The following RALGAPA2 variants were observed in gnomAD, a reference collection of about 807,000 sequenced individuals.
RALGAPA2 encodes Ral GTPase activating protein catalytic subunit alpha 2, also known as ral GTPase-activating protein subunit alpha-2.
Under a neutral mutation model 230.4 loss-of-function variants are expected in RALGAPA2, and 139 were observed. The observed-to-expected ratio is 0.60, with a 90% confidence interval of 0.53 to 0.69. RALGAPA2 has a LOEUF of 0.69. RALGAPA2 is among the 30% of genes least tolerant of loss of function. The pLI, the probability that RALGAPA2 is intolerant of heterozygous loss-of-function variation, is 0.00. For synonymous variants in RALGAPA2, 847 were observed against 837.8 expected (o/e 1.01, Z -0.19); for missense variants, 2,163 against 2,276.0 (o/e 0.95, Z 1.01).
chr20:20,466,124 G>A (rs957157438), intron 37 of RALGAPA2, among the ~76,000 whole-genome samples: 5 of 152,268 alleles, frequency 3.3e-5, no homozygotes, highest in African/African-American at 1.2e-4. Flanking sequence ...GAGACACCAG[G>A]AGGGACTGTG....
intron 3 of RALGAPA2, among the ~76,000 whole-genome samples, chr20:20,656,210 A>C (rs184482294): frequency 6.6e-6 from 1 of 152,362 alleles, no homozygotes; most frequent in East Asian, 1.9e-4. Context: ...AAATGAAGGT[A>C]AAGCAAAAGC....
intron 13 of RALGAPA2, among the ~76,000 whole-genome samples, chr20:20,613,072 G>T (rs978489026): frequency 2.0e-5 from 3 of 152,232 alleles, no homozygotes; most frequent in Non-Finnish European, 4.4e-5. Flanking sequence ...GCTTGGAAAG[G>T]CATGCAGAGT....
At chr20:20,511,583 T>G (rs1344464641) in intron 32 of RALGAPA2, among the ~76,000 whole-genome samples, 2 of 152,202 alleles carry the variant, frequency 1.3e-5, no homozygotes, top group Non-Finnish European at 2.9e-5. Flanking sequence ...CATGTGCCTG[T>G]GTGACTGTGT....
chr20:20,616,693 C>G (rs535380995), intron 12 of RALGAPA2, among the ~76,000 whole-genome samples: 1 of 152,280 alleles, frequency 6.6e-6, no homozygotes, highest in South Asian at 2.1e-4. Context: ...CACCACTCAA[C>G]AGGGGTCAGA....
intron 3 of RALGAPA2, among the ~76,000 whole-genome samples, chr20:20,668,386 G>A (rs1414930151): frequency 6.6e-6 from 1 of 152,152 alleles, no homozygotes; most frequent in Non-Finnish European, 1.5e-5. Flanking sequence ...CTGAGCAACA[G>A]AGCGAGACTG....
chr20:20,652,207 A>C (rs1005385013), intron 4 of RALGAPA2, among the ~76,000 whole-genome samples: 4 of 152,172 alleles, frequency 2.6e-5, no homozygotes, highest in Non-Finnish European at 4.4e-5. Context: ...TTTAGGATTT[A>C]GAATTTTGGA....
chr20:20,483,107 A>G (rs917286735), intron 36 of RALGAPA2, among the ~76,000 whole-genome samples: 2 of 152,186 alleles, frequency 1.3e-5, no homozygotes, highest in African/African-American at 4.8e-5. Flanking sequence ...GAGAATTGGA[A>G]AGGCTGCAGA....
At chr20:20,506,554 T>C (rs770638972) in intron 33 of RALGAPA2, among the ~76,000 whole-genome samples, 8 of 152,196 alleles carry the variant, frequency 5.3e-5, no homozygotes, top group Non-Finnish European at 1.0e-4. Context: ...TTGGTTTTTT[T>C]AAAGTTTCGA....
chr20:20,417,989 T>C (rs1355793702), intron 37 of RALGAPA2, among the ~76,000 whole-genome samples: 1 of 152,106 alleles, frequency 6.6e-6, no homozygotes, highest in African/African-American at 2.4e-5. Flanking sequence ...GAAAATCTCT[T>C]AAGAAACCAA....
chr20:20,706,469 G>GAATGTCCACGTGGCATT (rs2069609100), intron 1 of RALGAPA2, among the ~76,000 whole-genome samples: 1 of 152,218 alleles, frequency 6.6e-6, no homozygotes, highest in Non-Finnish European at 1.5e-5. Context: ...TCTAGTTGTA[G>GAATGTCCACGTGGCATT]AATGTCCACG....
intron 3 of RALGAPA2, among the ~76,000 whole-genome samples, chr20:20,672,960 G>A (rs894314465): frequency 1.5e-4 from 23 of 152,128 alleles, no homozygotes; most frequent in South Asian, 4.2e-4. Flanking sequence ...TGAGGTGGGC[G>A]GATCACAAGG....
chr20:20,571,330 TA>T, intron 23 of RALGAPA2, 127 bp downstream of exon 23: 1 of 1,064,734 alleles, frequency 9.4e-7, no homozygotes, highest in Non-Finnish European at 1.3e-6. Flanking sequence ...TTGCTGTGTG[TA>T]AAAGAGTTGA....
At chr20:20,406,746 T>C (rs1237491995) in intron 38 of RALGAPA2, among the ~76,000 whole-genome samples, 1 of 152,174 alleles carries the variant, frequency 6.6e-6, no homozygotes, top group Non-Finnish European at 1.5e-5. Context: ...CCCCTGTCTC[T>C]ATAAGAAATA....
chr20:20,436,001 A>G (rs2060603679), intron 37 of RALGAPA2, among the ~76,000 whole-genome samples: 1 of 152,242 alleles, frequency 6.6e-6, no homozygotes, highest in Non-Finnish European at 1.5e-5. Context: ...TGAGTTATGT[A>G]TCAAGTTGAA....
rs114745467 is a variant in RALGAPA2 at position 20,643,725 on chromosome 20, C to T, written c.329-176G>A. 8.2e-3 allele frequency among the ~76,000 whole-genome samples: 1,255 copies of T among 152,142 alleles called. 19 individuals are homozygous for T. Among genetic ancestry groups the T allele is most frequent in the African/African-American group, 0.028 (1,170 of 41,492 alleles). On this transcript the variant is annotated intron_variant, in intron 4 of 39. Coordinates refer to ENST00000202677, the MANE Select transcript of RALGAPA2 (RefSeq NM_020343.4). ...GAAAGACGTTTTCAAGATAAAAGTA[C>T]CTTAAGTATGTATCTCTTCAGAATT...
intron 3 of RALGAPA2, among the ~76,000 whole-genome samples, chr20:20,654,659 T>G (rs1403932204): frequency 6.6e-6 from 1 of 152,234 alleles, no homozygotes; most frequent in African/African-American, 2.4e-5. Context: ...GACACTTAGG[T>G]TGTTTCCATA....
At chr20:20,634,741 C>T (rs1027099159) in intron 9 of RALGAPA2, among the ~76,000 whole-genome samples, 5 of 152,192 alleles carry the variant, frequency 3.3e-5, no homozygotes, top group Admixed American at 1.3e-4. Context: ...GATCCCTTAG[C>T]GAAGTGGCTG....
intron 37 of RALGAPA2, among the ~76,000 whole-genome samples, chr20:20,438,237 G>A (rs1166164278): frequency 6.6e-6 from 1 of 152,164 alleles, no homozygotes; most frequent in Non-Finnish European, 1.5e-5. Flanking sequence ...TGTTACCAGT[G>A]TCTCAAAATA....
Position 20,513,123 on chromosome 20 carries a change from G to A in RALGAPA2, c.4246C>T (p.Leu1416=). ...GGACTTCTGAACACCTCAAAGGACA[G>A]CTCGGAGCCTTCCACATGGGCATTG... ...HDNAHVEGSE[L]SFEVFRSPNL... Residue 1416 remains leucine, a synonymous_variant, in exon 32 of 40, where the codon CTG becomes TTG. Coordinates refer to ENST00000202677, the MANE Select transcript of RALGAPA2 (RefSeq NM_020343.4). 6.4e-7 allele frequency: 1 copy of A among 1,573,046 alleles called. No homozygotes were observed. The highest frequency in any genetic ancestry group is 8.6e-7 in the Non-Finnish European group (1 of 1,162,858).
Sources: allele counts gnomAD v4.1 joint callset (sites outside exome capture counted in the v4.1 genomes callset), GRCh38; gene constraint gnomAD v4.1.1; transcripts MANE v1.5; gene names NCBI Gene and HGNC (gene_info 2026-07-23, HGNC 2026-07-21).